CLNK: variants seen among roughly 807,000 people sequenced by gnomAD.
CLNK encodes the protein cytokine dependent hematopoietic cell linker, also known as cytokine-dependent hematopoietic cell linker.
CLNK carries 74 observed loss-of-function variants against 68.6 expected under a neutral mutation model. The observed-to-expected ratio is 1.08, with a 90% CI of 0.89 to 1.31. CLNK has a LOEUF of 1.31. CLNK is among the 50% of genes most tolerant of loss of function. The probability of loss-of-function intolerance (pLI) is 0.00; values close to 1 mark genes in which losing one functional copy is unlikely to be tolerated. For synonymous variants in CLNK, 198 were observed against 172.2 expected (o/e 1.15, Z -1.17); for missense variants, 553 against 515.3 (o/e 1.07, Z -0.71).
chr4:10,716,365 C>A, the CLNK span, among the ~76,000 whole-genome samples: 1 of 152,150 alleles, frequency 6.6e-6, no homozygotes, highest in Non-Finnish European at 1.5e-5. Context: ...ACAATTGTGA[C>A]CTCTGCTGAG....
intron 2 of CLNK, among the ~76,000 whole-genome samples, chr4:10,656,945 A>G (rs974628696): frequency 6.6e-6 from 1 of 152,206 alleles, no homozygotes; most frequent in African/African-American, 2.4e-5. Flanking sequence ...CAGTCATAAA[A>G]CAGACTATAG....
the CLNK span, among the ~76,000 whole-genome samples, chr4:10,728,385 A>AGTGTGTGTGT: frequency 4.8e-5 from 7 of 146,742 alleles, no homozygotes; most frequent in South Asian, 2.2e-4. Context: ...TATTCTAAAG[A>AGTGTGTGTGT]GTGTGTGTGT....
chr4:10,602,257 TAGC>T (rs1344411046), intron 2 of CLNK, among the ~76,000 whole-genome samples: 1 of 152,210 alleles, frequency 6.6e-6, no homozygotes, highest in Non-Finnish European at 1.5e-5. Flanking sequence ...GTAGACCTAA[TAGC>T]AGCCAATACA....
chr4:10,524,022 G>T (rs1185183571), intron 14 of CLNK: 1 of 190,294 alleles, frequency 5.3e-6, no homozygotes, highest in Non-Finnish European at 1.1e-5. Flanking sequence ...CAAAGAAAAA[G>T]AAAGAAAGAA....
chr4:10,584,021 A>G (rs1490316189), intron 4 of CLNK, among the ~76,000 whole-genome samples: 1 of 152,146 alleles, frequency 6.6e-6, no homozygotes, highest in Non-Finnish European at 1.5e-5. Flanking sequence ...TTTGATACTA[A>G]AGACCCCAAC....
chr4:10,678,684 G>C (rs567281466), intron 1 of CLNK, among the ~76,000 whole-genome samples: 70 of 152,182 alleles, frequency 4.6e-4, no homozygotes, highest in African/African-American at 1.6e-3. Flanking sequence ...AAAGTCTCAG[G>C]ATACAAAATC....
At chr4:10,603,003 T>C (rs1477283747) in intron 2 of CLNK, among the ~76,000 whole-genome samples, 1 of 152,190 alleles carries the variant, frequency 6.6e-6, no homozygotes, top group Non-Finnish European at 1.5e-5. Flanking sequence ...CCATCCCATC[T>C]TAGTTATTCC....
chr4:10,569,323 A>G (rs1195907174), intron 5 of CLNK, among the ~76,000 whole-genome samples: 1 of 151,786 alleles, frequency 6.6e-6, no homozygotes, highest in Non-Finnish European at 1.5e-5. Flanking sequence ...ATAAGAAGAG[A>G]CACCAGAGAG....
At chr4:10,552,642 G>T (rs970186217) in intron 8 of CLNK, among the ~76,000 whole-genome samples, 2 of 151,920 alleles carry the variant, frequency 1.3e-5, no homozygotes, top group Non-Finnish European at 2.9e-5. Flanking sequence ...CAATCAATCA[G>T]CAGCAAGCAC....
At chr4:10,715,920 A>G in the CLNK span, among the ~76,000 whole-genome samples, 2 of 152,210 alleles carry the variant, frequency 1.3e-5, no homozygotes, top group African/African-American at 2.4e-5. Flanking sequence ...TGGCAGAGAG[A>G]AAACAAACTG....
At chr4:10,550,186 A>C (rs908427932) in intron 8 of CLNK, among the ~76,000 whole-genome samples, 1 of 152,188 alleles carries the variant, frequency 6.6e-6, no homozygotes, top group African/African-American at 2.4e-5. Flanking sequence ...CTTTACATAC[A>C]GCCATTATTA....
intron 2 of CLNK, among the ~76,000 whole-genome samples, chr4:10,627,577 G>GGA (rs890305365): frequency 1.3e-5 from 2 of 152,154 alleles, no homozygotes; most frequent in African/African-American, 2.4e-5. Flanking sequence ...TCAAGGCCAG[G>GGA]GAGAGAGAGA....
intron 15 of CLNK, chr4:10,517,266 T>C (rs537964591): frequency 5.9e-5 from 9 of 151,964 alleles, no homozygotes; most frequent in African/African-American, 2.2e-4. Flanking sequence ...AAAGGAGAGA[T>C]GAATCCAGTA....
rs1419188780 is a variant in CLNK, at chr4:10,566,053, A to G, written c.248T>C (p.Ile83Thr). The change falls in exon 6 of 19, where the codon ATT becomes ACT. Residue 83 changes from isoleucine to threonine, a missense_variant. Coordinates refer to ENST00000226951, the MANE Select transcript of CLNK (RefSeq NM_052964.4). ...ELRMEETWQS[I>T]KILPARPIKE... ...TATAGGCCGGGCTGGTAAAATTTTA[A>G]TCGACTGCCATGTCTCTTCCATCCG... 1.2e-6 allele frequency: 2 copies of G among 1,613,786 alleles called. No homozygotes were observed. Among genetic ancestry groups the G allele is most frequent in the Non-Finnish European group, 1.7e-6 (2 of 1,179,854 alleles).
intron 2 of CLNK, among the ~76,000 whole-genome samples, chr4:10,602,190 G>T (rs1452355679): frequency 6.6e-6 from 1 of 152,020 alleles, no homozygotes; most frequent in Non-Finnish European, 1.5e-5. Flanking sequence ...TCCTTGCCTT[G>T]TCCCTATCTA....
At chr4:10,699,316 T>TACACACACACACCACATACGTGTGTGTAC in the CLNK span, among the ~76,000 whole-genome samples, 2 of 113,286 alleles carry the variant, frequency 1.8e-5, no homozygotes, top group African/African-American at 9.0e-5. Context: ...CATACGTGTA[T>TACACACACACACCACATACGTGTGTGTAC]ACACACACAC....
At chr4:10,681,884 G>A (rs916228934) in intron 1 of CLNK, among the ~76,000 whole-genome samples, 26 of 152,112 alleles carry the variant, frequency 1.7e-4, no homozygotes, top group African/African-American at 4.1e-4. Context: ...TTCAGAATCC[G>A]TTTTGTAAAG....
At chr4:10,693,408 C>T in the CLNK span, among the ~76,000 whole-genome samples, 1 of 152,184 alleles carries the variant, frequency 6.6e-6, no homozygotes, top group Non-Finnish European at 1.5e-5. Context: ...AAAGAGAACC[C>T]CATTTGAAGA....
intron 15 of CLNK, among the ~76,000 whole-genome samples, chr4:10,514,865 G>C (rs1717760529): frequency 6.6e-6 from 1 of 151,920 alleles, no homozygotes; most frequent in Non-Finnish European, 1.5e-5. Flanking sequence ...TCTGACAAAG[G>C]GCTAATATCC....
Sources: allele counts gnomAD v4.1 joint callset (sites outside exome capture counted in the v4.1 genomes callset), GRCh38; gene constraint gnomAD v4.1.1; transcripts MANE v1.5; gene names NCBI Gene and HGNC (gene_info 2026-07-23, HGNC 2026-07-21).